BBX: variants seen among roughly 807,000 people sequenced by gnomAD.
BBX encodes the protein BBX high mobility group box domain containing.
A neutral mutation model predicts 100.2 loss-of-function variants in BBX; 30 were observed. That is an observed-to-expected ratio of 0.30 (90% CI 0.22 to 0.41). The LOEUF is 0.41. Ranked by LOEUF, BBX falls within the 10% of genes least tolerant of loss-of-function variation. The pLI, the probability that BBX is intolerant of heterozygous loss-of-function variation, is 1.00. For synonymous variants in BBX, 376 were observed against 388.1 expected (o/e 0.97, Z 0.37); for missense variants, 1,023 against 1,129.8 (o/e 0.91, Z 1.35).
chr3:107,628,939 A>G (rs1266674377), intron 2 of BBX, among the ~76,000 whole-genome samples: 1 of 152,244 alleles, frequency 6.6e-6, no homozygotes, highest in Non-Finnish European at 1.5e-5. Flanking sequence ...TATCACAAAC[A>G]GCATTTTTTA....
At chr3:107,662,546 T>G (rs1201454261) in intron 3 of BBX, 1 of 152,088 alleles carries the variant, frequency 6.6e-6, no homozygotes, top group Non-Finnish European at 1.5e-5. Flanking sequence ...AAAGAAGTAC[T>G]GTGACATAAA....
At chr3:107,777,139 A>G (rs1056190633) in intron 12 of BBX, among the ~76,000 whole-genome samples, 1 of 152,202 alleles carries the variant, frequency 6.6e-6, no homozygotes, top group African/African-American at 2.4e-5. Context: ...CACCCACTGC[A>G]TAAATCATAC....
intron 9 of BBX, among the ~76,000 whole-genome samples, chr3:107,750,954 A>G (rs1378586014): frequency 6.6e-6 from 1 of 152,222 alleles, no homozygotes; most frequent in African/African-American, 2.4e-5. Flanking sequence ...CTGTTTACAC[A>G]CAGATTGCTG....
chr3:107,532,134 C>T (rs562098340), intron 2 of BBX, among the ~76,000 whole-genome samples: 61 of 151,920 alleles, frequency 4.0e-4, no homozygotes, highest in Non-Finnish European at 5.6e-4. Flanking sequence ...GTTGAGGCTG[C>T]GGTGAGCCAT....
intron 3 of BBX, among the ~76,000 whole-genome samples, chr3:107,688,676 T>A (rs1036074321): frequency 6.6e-6 from 1 of 152,196 alleles, no homozygotes; most frequent in South Asian, 2.1e-4. Flanking sequence ...TCCAAATGGT[T>A]TTATTATTAT....
At chr3:107,598,492 C>G (rs2053820927) in intron 2 of BBX, among the ~76,000 whole-genome samples, 1 of 152,170 alleles carries the variant, frequency 6.6e-6, no homozygotes, top group Non-Finnish European at 1.5e-5. Flanking sequence ...GAACTACTTG[C>G]AATTTTGAGT....
intron 5 of BBX, among the ~76,000 whole-genome samples, chr3:107,727,770 A>C (rs2063063260): frequency 6.6e-6 from 1 of 152,176 alleles, no homozygotes; most frequent in East Asian, 1.9e-4. Flanking sequence ...CTATTGGGTA[A>C]AATTAAAAGC....
At chr3:107,528,786 G>A (rs752260580) in intron 2 of BBX, among the ~76,000 whole-genome samples, 3 of 152,182 alleles carry the variant, frequency 2.0e-5, no homozygotes, top group Non-Finnish European at 2.9e-5. Context: ...TGCAACTCAT[G>A]AAAATCTAAC....
chr3:107,526,111 GC>G (rs2047754582), intron 1 of BBX, among the ~76,000 whole-genome samples: 1 of 152,068 alleles, frequency 6.6e-6, no homozygotes, highest in Non-Finnish European at 1.5e-5. Flanking sequence ...CAGTTGGGTT[GC>G]CCCCCAGCCT....
chr3:107,646,590 G>A (rs1483350046), intron 3 of BBX, among the ~76,000 whole-genome samples: 1 of 151,892 alleles, frequency 6.6e-6, no homozygotes, highest in East Asian at 1.9e-4. Flanking sequence ...TTACTTAAAT[G>A]CCTAGAGTTT....
intron 2 of BBX, among the ~76,000 whole-genome samples, chr3:107,536,332 A>C (rs2048488277): frequency 6.6e-6 from 1 of 152,206 alleles, no homozygotes; most frequent in South Asian, 2.1e-4. Context: ...GTCAGAGCCT[A>C]ATTCAGATAT....
chr3:107,696,374 G>T (rs376118224), intron 3 of BBX, among the ~76,000 whole-genome samples: 3 of 151,540 alleles, frequency 2.0e-5, no homozygotes, highest in African/African-American at 7.3e-5. Context: ...CCTTCAGGAG[G>T]TCTTTTAGGG....
At chr3:107,794,559 CCA>C (rs1231023139) in intron 15 of BBX, among the ~76,000 whole-genome samples, 2 of 152,112 alleles carry the variant, frequency 1.3e-5, no homozygotes, top group African/African-American at 4.8e-5. Flanking sequence ...CACACACGAT[CCA>C]CAGTGCCCAA....
Position 107,773,587 on chromosome 3 carries a change from C to G in BBX, c.1866C>G (p.Thr622=), listed in dbSNP as rs1192325152. 6.2e-7 allele frequency: 1 copy of G among 1,613,672 alleles called. No homozygotes were observed. Among genetic ancestry groups the G allele is most frequent in the Non-Finnish European group, 8.5e-7 (1 of 1,179,888 alleles). ...CTTGCAAAGGTGCTCTTTATAAAACCCTGGTGTCTGAGGGCATGCTCACCT... is the reference window on the plus strand; with the variant it reads ...CTTGCAAAGGTGCTCTTTATAAAACGCTGGTGTCTGAGGGCATGCTCACCT... ...ERSCKGALYK[T]LVSEGMLTSL... is the part of the protein sequence containing the mutation. The change falls in exon 11 of 18, where the codon ACC becomes ACG. Residue 622 remains threonine, a synonymous_variant. Transcript: ENST00000325805. This position sits in a 1 kb window ranked among gnomAD's most constrained non-coding sequence, Gnocchi z 4.1.
intron 15 of BBX, among the ~76,000 whole-genome samples, chr3:107,791,817 A>G (rs1485436135): frequency 3.3e-5 from 5 of 152,192 alleles, no homozygotes; most frequent in Non-Finnish European, 1.5e-5. Flanking sequence ...CCTAACCAAC[A>G]TGGTGAAACC....
intron 3 of BBX, among the ~76,000 whole-genome samples, chr3:107,656,782 A>G (rs1396818539): frequency 6.6e-6 from 1 of 152,214 alleles, no homozygotes; most frequent in Admixed American, 6.5e-5. Flanking sequence ...CACACTGTCA[A>G]GATCAGGATG....
chr3:107,731,020 C>T (rs182463909), intron 6 of BBX, among the ~76,000 whole-genome samples: 1 of 152,110 alleles, frequency 6.6e-6, no homozygotes, highest in Non-Finnish European at 1.5e-5. Flanking sequence ...TTTTGAATAA[C>T]CCCAAATTAC....
intron 5 of BBX, among the ~76,000 whole-genome samples, chr3:107,723,864 T>A (rs1208860923): frequency 6.6e-6 from 1 of 152,158 alleles, no homozygotes; most frequent in Middle Eastern, 3.2e-3. Flanking sequence ...ATTGCCGCAA[T>A]AAACATATGT....
intron 3 of BBX, among the ~76,000 whole-genome samples, chr3:107,704,521 A>G (rs2061277197): frequency 6.6e-6 from 1 of 152,254 alleles, no homozygotes; most frequent in Non-Finnish European, 1.5e-5. Flanking sequence ...TGGGAATTAC[A>G]AGAGCATGGG....
Sources: gnomAD v4.1 joint callset for allele counts (sites outside exome capture counted in the v4.1 genomes callset) on GRCh38, gnomAD v4.1.1 for gene constraint, Gnocchi (gnomAD v3.1) non-coding constraint, MANE v1.5 for transcripts, NCBI Gene and HGNC (gene_info 2026-07-23, HGNC 2026-07-21) for gene names.